NUBPL: variants seen among roughly 807,000 people sequenced by gnomAD.
NUBPL encodes iron-sulfur cluster transfer protein NUBPL.
In NUBPL, 31 loss-of-function variants were observed where a neutral mutation model predicts 45.7. The observed-to-expected ratio is 0.68, with a 90% CI of 0.51 to 0.92. NUBPL has a LOEUF of 0.92. NUBPL is among the 40% of genes least tolerant of loss of function. The pLI is 0.00. For missense variants in NUBPL, 401 were observed against 398.7 expected, an observed-to-expected ratio of 1.01 and a Z score of -0.05; for synonymous variants, 144 against 140.9, an observed-to-expected ratio of 1.02 and a Z score of -0.15.
At chr14:31,836,166 G>A (rs2138997912) in intron 8 of NUBPL, among the ~76,000 whole-genome samples, 1 of 152,278 alleles carries the variant, frequency 6.6e-6, no homozygotes, top group South Asian at 2.1e-4. Context: ...TTTTTAAAAA[G>A]TTAAGAAAAG....
intron 7 of NUBPL, among the ~76,000 whole-genome samples, chr14:31,818,386 A>G (rs1013080976): frequency 6.6e-6 from 1 of 152,208 alleles, no homozygotes; most frequent in Non-Finnish European, 1.5e-5. Flanking sequence ...ACTTACTCAA[A>G]GTTGGATTCT....
rs540550710 is a variant in NUBPL, at chr14:31,598,471, C to G, written c.292-818C>G. ...CTGTTTACTTGTAGATGAGCAAAACCAGTAACAGATTGATTTCATCTATCA... is the reference window on the plus strand; with the variant it reads ...CTGTTTACTTGTAGATGAGCAAAACGAGTAACAGATTGATTTCATCTATCA... On this transcript the variant is annotated intron_variant, in intron 3 of 10. Coordinates refer to ENST00000281081, the MANE Select transcript of NUBPL (RefSeq NM_025152.3). Among the ~76,000 whole-genome samples the G allele has an allele frequency of 8.0e-4, 121 of 151,882 alleles. 2 individuals carry two copies. The South Asian group carries it at 0.024, about 30-fold the overall frequency.
At chr14:31,682,499 G>C (rs117242959) in intron 6 of NUBPL, among the ~76,000 whole-genome samples, 123 of 152,084 alleles carry the variant, frequency 8.1e-4, no homozygotes, top group Non-Finnish European at 1.4e-3. Context: ...GGAATGCTTA[G>C]TTTATTTACA....
chr14:31,714,903 T>C (rs932773068), intron 6 of NUBPL: 10 of 152,216 alleles, frequency 6.6e-5, no homozygotes, highest in Admixed American at 1.3e-4. Flanking sequence ...TTCCCAGTTT[T>C]AAAAAACAAC....
At chr14:31,747,988 G>A (rs1039750523) in intron 6 of NUBPL, among the ~76,000 whole-genome samples, 12 of 152,120 alleles carry the variant, frequency 7.9e-5, no homozygotes, top group East Asian at 1.9e-4. Flanking sequence ...CACAGGTTTC[G>A]ATAGGTTGTA....
chr14:31,804,707 T>C (rs2039651827), intron 7 of NUBPL, among the ~76,000 whole-genome samples: 1 of 152,122 alleles, frequency 6.6e-6, no homozygotes, highest in African/African-American at 2.4e-5. Flanking sequence ...ATTTAATCAA[T>C]GTTGCTGGGA....
At chr14:31,808,897 C>CT (rs1180411560) in intron 7 of NUBPL, among the ~76,000 whole-genome samples, 4 of 152,116 alleles carry the variant, frequency 2.6e-5, no homozygotes, top group Non-Finnish European at 5.9e-5. Flanking sequence ...CTCTTTCGTT[C>CT]TGTTTATGTG....
chr14:31,631,691 C>T (rs2035348975), intron 4 of NUBPL, among the ~76,000 whole-genome samples: 1 of 152,022 alleles, frequency 6.6e-6, no homozygotes, highest in South Asian at 2.1e-4. Flanking sequence ...GAGTCCAAGT[C>T]CACGTCCAAA....
chr14:31,743,372 T>A (rs544322138), intron 6 of NUBPL, among the ~76,000 whole-genome samples: 74 of 152,252 alleles, frequency 4.9e-4, no homozygotes, highest in African/African-American at 1.7e-3. Flanking sequence ...GGGCTCTTGT[T>A]TTTTTGTTTC....
intron 4 of NUBPL, among the ~76,000 whole-genome samples, chr14:31,613,051 A>G (rs1020228606): frequency 1.3e-5 from 2 of 152,240 alleles, no homozygotes; most frequent in African/African-American, 4.8e-5. Context: ...CTAAGTGTCC[A>G]TCAACAGATG....
intron 6 of NUBPL, among the ~76,000 whole-genome samples, chr14:31,704,609 G>T (rs1035345279): frequency 6.6e-5 from 10 of 151,974 alleles, no homozygotes; most frequent in Non-Finnish European, 1.5e-4. Context: ...GTTGCTGTGA[G>T]CCAAGATCAT....
chr14:31,789,242 C>T (rs11626894), intron 7 of NUBPL, among the ~76,000 whole-genome samples: 49,916 of 151,790 alleles, frequency 0.33, 9,256 homozygotes, highest in South Asian at 0.43. Context: ...AGGAGAATGA[C>T]GTGAACCCAG....
intron 7 of NUBPL, among the ~76,000 whole-genome samples, chr14:31,809,300 T>C (rs1337392644): frequency 2.0e-5 from 3 of 152,200 alleles, no homozygotes; most frequent in African/African-American, 7.2e-5. Flanking sequence ...TCAGAGCCTG[T>C]TACTCGCTAT....
At chr14:31,758,128 A>T (rs2038713578) in intron 6 of NUBPL, among the ~76,000 whole-genome samples, 1 of 152,134 alleles carries the variant, frequency 6.6e-6, no homozygotes, top group Non-Finnish European at 1.5e-5. Flanking sequence ...ATTTATTGAT[A>T]GTTTCCATCC....
chr14:31,735,591 C>T (rs550721365), intron 6 of NUBPL, among the ~76,000 whole-genome samples: 9 of 152,254 alleles, frequency 5.9e-5, no homozygotes, highest in South Asian at 2.1e-4. Context: ...CGGTGGCTCA[C>T]GCCTGTAATC....
chr14:31,832,956 A>G (rs1207548614), intron 8 of NUBPL, among the ~76,000 whole-genome samples: 2 of 152,252 alleles, frequency 1.3e-5, no homozygotes, highest in Admixed American at 1.3e-4. Flanking sequence ...CAATGTTTAC[A>G]TAATGTTATA....
intron 8 of NUBPL, among the ~76,000 whole-genome samples, chr14:31,836,261 T>G (rs544648986): frequency 6.6e-6 from 1 of 152,124 alleles, no homozygotes; most frequent in Admixed American, 6.5e-5. Flanking sequence ...TAGCCAGGCA[T>G]GTAGTATTTG....
intron 6 of NUBPL, among the ~76,000 whole-genome samples, chr14:31,742,069 A>G (rs1282535682): frequency 6.6e-6 from 1 of 152,158 alleles, no homozygotes; most frequent in African/African-American, 2.4e-5. Flanking sequence ...ATACACTTCA[A>G]TAAATGCAGA....
chr14:31,814,044 A>G (rs2039867977), intron 7 of NUBPL, among the ~76,000 whole-genome samples: 1 of 152,200 alleles, frequency 6.6e-6, no homozygotes, highest in African/African-American at 2.4e-5. Context: ...CTTTGGGTAT[A>G]TACCCAGCAA....
Sources: allele counts gnomAD v4.1 joint callset (sites outside exome capture counted in the v4.1 genomes callset), GRCh38; gene constraint gnomAD v4.1.1; transcripts MANE v1.5; gene names NCBI Gene and HGNC (gene_info 2026-07-23, HGNC 2026-07-21).